The following KATNAL2 variants were observed in gnomAD, a reference collection of about 807,000 sequenced individuals.
The protein encoded by KATNAL2 is katanin catalytic subunit A1 like 2.
KATNAL2 carries 52 observed loss-of-function variants against 76.3 expected under a neutral mutation model. The ratio of observed to expected loss-of-function variants is 0.68; its 90% CI spans 0.55 to 0.86. KATNAL2 has a LOEUF of 0.86. Ranked by LOEUF, KATNAL2 falls within the 40% of genes least tolerant of loss-of-function variation. The pLI, the probability that KATNAL2 is intolerant of heterozygous loss-of-function variation, is 0.00. For missense variants in KATNAL2, 660 were observed against 668.9 expected (o/e 0.99, Z 0.15); for synonymous variants, 243 against 244.2 (o/e 1.00, Z 0.05).
rs569112915 is a variant in KATNAL2 at position 47,034,904 on chromosome 18, T to G, written c.52-11553T>G. 1.7e-4 allele frequency: 281 copies of G among 1,612,030 alleles called. 6 individuals are homozygous for G. In the South Asian group the frequency reaches 2.9e-3, roughly 17 times the overall value. ...CTGTGCTCAGGGCTGTGAGATGGGC[T>G]CCTGGGGGCCGTCGCGTTTTCTGGG... On this transcript the variant is annotated intron_variant, in intron 3 of 17. Transcript: ENST00000683218.
chr18:47,043,280 A>G (rs1355381691), intron 3 of KATNAL2, among the ~76,000 whole-genome samples: 1 of 150,112 alleles, frequency 6.7e-6, no homozygotes, highest in Non-Finnish European at 1.5e-5. Flanking sequence ...GAAAAATTAC[A>G]TTACATGCAA....
At chr18:46,959,578 T>G (rs899435598) in intron 3 of KATNAL2, among the ~76,000 whole-genome samples, 1 of 152,200 alleles carries the variant, frequency 6.6e-6, no homozygotes, top group Admixed American at 6.5e-5. Context: ...TTACTTTTAA[T>G]TTAATTTTTT....
At chr18:47,031,744 G>T (rs182309332) in intron 3 of KATNAL2, among the ~76,000 whole-genome samples, 24 of 152,284 alleles carry the variant, frequency 1.6e-4, no homozygotes, top group Non-Finnish European at 8.8e-5. Context: ...CTCCCAAAGT[G>T]CTGAGGTAGG....
At chr18:46,924,404 C>A (rs1283466007) in intron 1 of KATNAL2, among the ~76,000 whole-genome samples, 1 of 152,152 alleles carries the variant, frequency 6.6e-6, no homozygotes, top group African/African-American at 2.4e-5. Flanking sequence ...AGCATTATTT[C>A]TGAGGGCTCT....
intron 11 of KATNAL2, 101 bp from the exon 12 acceptor site, chr18:47,069,119 G>T (rs566442267): frequency 1.4e-5 from 11 of 791,550 alleles, no homozygotes; most frequent in Admixed American, 5.0e-5. Context: ...GAATCTTAGA[G>T]CTGTGCTGCT....
intron 3 of KATNAL2, among the ~76,000 whole-genome samples, chr18:46,954,166 A>G (rs560361147): frequency 1.3e-5 from 2 of 151,734 alleles, no homozygotes; most frequent in African/African-American, 4.8e-5. Flanking sequence ...TGATTGGAGA[A>G]GGGGAGGGAA....
At chr18:46,965,581 G>GCCAC (rs2060096610) in intron 3 of KATNAL2, among the ~76,000 whole-genome samples, 1 of 73,874 alleles carries the variant, frequency 1.4e-5, no homozygotes, top group Non-Finnish European at 2.9e-5. Flanking sequence ...TAGCATCCCC[G>GCCAC]CCCCCCCCCC....
chr18:47,084,245 A>G, intron 15 of KATNAL2: 1 of 672,540 alleles, frequency 1.5e-6, no homozygotes, highest in Non-Finnish European at 2.7e-6. Flanking sequence ...TCCTACATGA[A>G]CCCTCTCCTG....
At chr18:46,931,971 GGCGATCTT>G (rs1390955385) in intron 1 of KATNAL2, among the ~76,000 whole-genome samples, 4 of 148,564 alleles carry the variant, frequency 2.7e-5, no homozygotes, top group Non-Finnish European at 5.9e-5. Flanking sequence ...GGAGTGCACT[GGCGATCTT>G]GGCTCACTGT....
At chr18:47,077,291 C>G in intron 14 of KATNAL2, 60 bp from the exon 15 acceptor site, 1 of 1,272,432 alleles carries the variant, frequency 7.9e-7, no homozygotes, top group East Asian at 2.3e-5. Context: ...GTGAATGCTG[C>G]TCTTGTCATG....
chr18:47,060,703 T>C (rs1227083867), intron 8 of KATNAL2, among the ~76,000 whole-genome samples: 1 of 152,104 alleles, frequency 6.6e-6, no homozygotes, highest in Non-Finnish European at 1.5e-5. Context: ...ACTCTGTGTG[T>C]GTGAATTTGG....
At chr18:47,069,060 T>A (rs1392545355) in intron 11 of KATNAL2, among the ~76,000 whole-genome samples, 160 bp from the exon 12 acceptor site, 1 of 152,218 alleles carries the variant, frequency 6.6e-6, no homozygotes, top group African/African-American at 2.4e-5. Flanking sequence ...GAATAAGATC[T>A]GTTTATTTCG....
intron 15 of KATNAL2, chr18:47,091,156 A>C (rs979275859): frequency 6.6e-6 from 1 of 152,240 alleles, no homozygotes. Flanking sequence ...AGACAGGACG[A>C]GGGACTTAGG....
At chr18:47,032,568 G>C (rs1332543340) in intron 3 of KATNAL2, 1 of 209,156 alleles carries the variant, frequency 4.8e-6, no homozygotes, top group Non-Finnish European at 9.6e-6. Context: ...CAACAACAAC[G>C]GCAGCAACAG....
chr18:46,925,939 A>G (rs2058714814), intron 1 of KATNAL2, among the ~76,000 whole-genome samples: 2 of 151,950 alleles, frequency 1.3e-5, no homozygotes, highest in Admixed American at 6.6e-5. Context: ...TATCCCCTTT[A>G]TCATTTTTTA....
intron 11 of KATNAL2, among the ~76,000 whole-genome samples, chr18:47,068,258 T>C (rs533169123): frequency 6.6e-6 from 1 of 152,338 alleles, no homozygotes; most frequent in South Asian, 2.1e-4. Context: ...GATTATGAAT[T>C]TATTTTATTG....
intron 3 of KATNAL2, among the ~76,000 whole-genome samples, chr18:47,043,245 A>AAAAAAAAAAAAAAAAAAT (rs376877321): frequency 0.033 from 3,079 of 92,820 alleles, 642 homozygotes; most frequent in East Asian, 0.12. Flanking sequence ...AAAAAAAAAA[A>AAAAAAAAAAAAAAAAAAT]GAGATCCTAA....
rs147442105 is a variant in KATNAL2, at chr18:47,045,605, G to A, written c.52-852G>A. ...CCCAGATTGCTGGGATTACAGGTAT[G>A]AGCCACCGCACCCAGCCATTGAAAA... On this transcript the variant is annotated intron_variant, in intron 3 of 17. Coordinates refer to ENST00000683218, the MANE Select transcript of KATNAL2 (RefSeq NM_001387690.1). 1.0e-3 allele frequency among the ~76,000 whole-genome samples: 156 copies of A among 152,242 alleles called. 1 individual carries two copies. Among genetic ancestry groups the A allele is most frequent in the African/African-American group, 3.7e-3 (152 of 41,534 alleles).
Position 47,033,492 on chromosome 18 carries a change from C to G in KATNAL2, c.52-12965C>G, listed in dbSNP as rs765467041. The G allele has an allele frequency of 1.9e-6, 3 of 1,614,030 alleles. No homozygotes were observed. In the East Asian group the frequency reaches 6.7e-5, roughly 36 times the overall value. On this transcript the variant is annotated intron_variant, in intron 3 of 17. Coordinates refer to ENST00000683218, the MANE Select transcript of KATNAL2 (RefSeq NM_001387690.1). ...CCTGTGGCTTTTCTTCCTTGAAGTC[C>G]TGGAAACAATGATTCCTCCGTAATT...
Sources: gnomAD v4.1 joint callset for allele counts (sites outside exome capture counted in the v4.1 genomes callset) on GRCh38, gnomAD v4.1.1 for gene constraint, MANE v1.5 for transcripts, NCBI Gene and HGNC (gene_info 2026-07-23, HGNC 2026-07-21) for gene names.